ALG8: variants seen among roughly 807,000 people sequenced by gnomAD.
ALG8 encodes dolichyl pyrophosphate Glc1Man9GlcNAc2 alpha-1,3-glucosyltransferase.
ALG8 carries 48 observed loss-of-function variants against 70.2 expected under a neutral mutation model. The observed-to-expected ratio is 0.68, with a 90% confidence interval of 0.54 to 0.87. The LOEUF (loss-of-function observed/expected upper bound fraction) is 0.87, where lower values mean the gene tolerates loss of function less well. Among genes scored for constraint, ALG8 ranks in the 40% least tolerant of loss-of-function variants. The probability of loss-of-function intolerance (pLI) is 0.00; values close to 1 mark genes in which losing one functional copy is unlikely to be tolerated. For missense variants in ALG8, 572 were observed against 608.7 expected (o/e 0.94, Z 0.64); for synonymous variants, 234 against 229.0 (o/e 1.02, Z -0.20).
At chr11:78,114,895 T>C (rs1017385708) in intron 5 of ALG8, 1 of 226,902 alleles carries the variant, frequency 4.4e-6, no homozygotes, top group Non-Finnish European at 8.9e-6. Flanking sequence ...GAATCTGCTT[T>C]AGCCCAGGAG....
chr11:78,101,263 C>G (rs1024611206), intron 12 of ALG8, 68 bp from the exon 13 acceptor site: 29 of 1,291,422 alleles, frequency 2.2e-5, no homozygotes, highest in Middle Eastern at 1.9e-4. Context: ...CATTTCCTAG[C>G]TAAAGCTTCC....
intron 1 of ALG8, among the ~76,000 whole-genome samples, chr11:78,127,706 T>TCTTTC (rs1861138763): frequency 6.8e-6 from 1 of 146,566 alleles, no homozygotes; most frequent in South Asian, 2.1e-4. Context: ...TTTCTCTTTT[T>TCTTTC]CTTTTCTTTT....
intron 7 of ALG8, 101 bp from the exon 8 acceptor site, chr11:78,112,871 A>C (rs1860366525): frequency 6.9e-7 from 1 of 1,444,250 alleles, no homozygotes; most frequent in Middle Eastern, 2.1e-4. Context: ...GTAGAAAGTT[A>C]TGGGGTCTGG....
At chr11:78,128,108 T>C (rs1861155274) in intron 1 of ALG8, among the ~76,000 whole-genome samples, 1 of 152,226 alleles carries the variant, frequency 6.6e-6, no homozygotes, top group African/African-American at 2.4e-5. Context: ...AAAGGCCTCA[T>C]ATACCAAGAC....
At chr11:78,136,524 G>A (rs555777976) in intron 1 of ALG8, among the ~76,000 whole-genome samples, 2 of 152,046 alleles carry the variant, frequency 1.3e-5, no homozygotes, top group East Asian at 1.9e-4. Context: ...GAGATAGAGC[G>A]AGACCCTGCC....
At chr11:78,104,835 G>A (rs919091847) in intron 10 of ALG8, among the ~76,000 whole-genome samples, 5 of 152,008 alleles carry the variant, frequency 3.3e-5, no homozygotes, top group Non-Finnish European at 7.4e-5. Flanking sequence ...ATGGTGGCGG[G>A]TGCTTGTAAT....
intron 4 of ALG8, among the ~76,000 whole-genome samples, chr11:78,119,463 C>G (rs1414121145): frequency 7.1e-6 from 1 of 141,204 alleles, no homozygotes; most frequent in Non-Finnish European, 1.5e-5. Context: ...GAGTCTCACT[C>G]TGTCACCCAG....
Position 78,127,425 on chromosome 11 carries a change from T to C in ALG8, c.107A>G (p.Asp36Gly). ...CLLIPTYHST[D>G]FEVHRNWLAI... Reference sequence around the variant, plus strand: ...AAGCCAGTTTCGGTGTACTTCAAAATCTGTGGAATGGCTACTCAAAACAAT... The same window carrying C: ...AAGCCAGTTTCGGTGTACTTCAAAACCTGTGGAATGGCTACTCAAAACAAT... Residue 36 changes from aspartate to glycine, a missense_variant, in exon 2 of 13, where the codon GAT becomes GGT. By Grantham distance (94) the Asp-to-Gly change is moderately conservative. Transcript: ENST00000299626. The C allele has an allele frequency of 6.2e-7, 1 of 1,613,784 alleles. No homozygotes were observed. Among genetic ancestry groups the C allele is most frequent in the Non-Finnish European group, 8.5e-7 (1 of 1,179,798 alleles).
intron 1 of ALG8, chr11:78,137,483 C>T (rs1293520963): frequency 1.3e-5 from 2 of 152,248 alleles, no homozygotes; most frequent in Non-Finnish European, 2.9e-5. Context: ...GCTTTCAGCC[C>T]GTCTTGGCTT....
In ALG8 at chr11:78,114,390, T is replaced by C. The variant is rs1860462833; in HGVS notation, c.549A>G (p.Lys183=). ...MLLSIARLFQ[K]RHMEGAFLFA... Reference sequence around the variant, plus strand: ...AGAGAAATGCTCCTTCCATATGCCTTTTCTAGGAGATTTAAAAGGGAAATA... The same window carrying C: ...AGAGAAATGCTCCTTCCATATGCCTCTTCTAGGAGATTTAAAAGGGAAATA... The change falls in exon 6 of 13, where the codon AAA becomes AAG. Residue 183 remains lysine, a splice_region_variant and synonymous_variant. Transcript: ENST00000299626. 6 of 1,613,790 alleles carry C rather than the reference T, an allele frequency of 3.7e-6. No homozygotes were observed. The East Asian group carries it at 6.7e-5, about 18-fold the overall frequency.
intron 1 of ALG8, among the ~76,000 whole-genome samples, chr11:78,133,725 C>T (rs897189945): frequency 2.6e-5 from 4 of 151,902 alleles, no homozygotes; most frequent in African/African-American, 9.7e-5. Context: ...ATGGTGAAAC[C>T]CCATCTCTAC....
chr11:78,115,921 T>C (rs1030057648), intron 5 of ALG8, among the ~76,000 whole-genome samples: 2 of 152,192 alleles, frequency 1.3e-5, no homozygotes, highest in Non-Finnish European at 2.9e-5. Context: ...TGAACAAATA[T>C]ATAGGATGCT....
intron 1 of ALG8, among the ~76,000 whole-genome samples, chr11:78,129,651 TC>T (rs1383567355): frequency 6.6e-6 from 1 of 152,236 alleles, no homozygotes; most frequent in Non-Finnish European, 1.5e-5. Flanking sequence ...TGTTCTACTT[TC>T]ACTCATTCTC....
chr11:78,113,775 A>T (rs1860422101), intron 7 of ALG8, 111 bp downstream of exon 7: 5 of 852,560 alleles, frequency 5.9e-6, no homozygotes, highest in Non-Finnish European at 9.2e-6. Flanking sequence ...TTGGGTAAGG[A>T]GTAAGAAAAA....
chr11:78,138,330 C>CAGAGTGGGACG (rs1861634038), intron 1 of ALG8, among the ~76,000 whole-genome samples: 1 of 143,172 alleles, frequency 7.0e-6, no homozygotes, highest in African/African-American at 2.7e-5. Flanking sequence ...GCCTGGGTGA[C>CAGAGTGGGACG]AGAGTGGGAC....
intron 1 of ALG8, among the ~76,000 whole-genome samples, chr11:78,132,986 A>G (rs550089621): frequency 1.3e-5 from 2 of 151,716 alleles, no homozygotes; most frequent in East Asian, 3.9e-4. Flanking sequence ...ACACGCGCCC[A>G]CCACCACACC....
Position 78,120,429 on chromosome 11 carries a change from TCTTTAGAGATA to T in ALG8, c.478+625_478+635del, listed in dbSNP as rs1165543466. On this transcript the variant is annotated intron_variant, in intron 4 of 12. Coordinates refer to ENST00000299626, the MANE Select transcript of ALG8 (RefSeq NM_024079.5). Reference sequence around the variant, plus strand: ...ACCTGTGAGGTATTTAGAATTTTCCTCTTTAGAGATACTTTAGAGATTAAGAAATTAAGCCT... The same window carrying T: ...ACCTGTGAGGTATTTAGAATTTTCCTCTTTAGAGATTAAGAAATTAAGCCT... Among the ~76,000 whole-genome samples, 24 of 152,332 alleles carry T rather than the reference TCTTTAGAGATA, an allele frequency of 1.6e-4. No individual in the cohort carries two copies. The East Asian group carries it at 4.0e-3, about 26-fold the overall frequency.
At position 78,101,142 on chromosome 11, in the gene ALG8, C is replaced by A; in HGVS notation, c.1403G>T (p.Gly468Val). 6.2e-7 allele frequency: 1 copy of A among 1,614,140 alleles called. No homozygotes were observed. The highest frequency in any genetic ancestry group is 8.5e-7 in the Non-Finnish European group (1 of 1,180,030). ...AAATTCACAGCAGACTTCCAGAGGC[C>A]CCAGGCCAAGCAGGTAGAAAGTTTC... ...WMETFYLLGL[G>V]PLEVCCEFVF... The change falls in exon 13 of 13, where the codon GGG becomes GTG. Residue 468 changes from glycine to valine, a missense_variant. Gly to Val is a moderately radical substitution (Grantham distance 109, BLOSUM62 -3). Coordinates refer to ENST00000299626, the MANE Select transcript of ALG8 (RefSeq NM_024079.5).
chr11:78,127,635 A>G (rs144606571), intron 1 of ALG8, among the ~76,000 whole-genome samples, 199 bp from the exon 2 acceptor site: 39 of 152,244 alleles, frequency 2.6e-4, no homozygotes, highest in African/African-American at 9.1e-4. Flanking sequence ...GTTGTTGAGC[A>G]ATCTACAAGT....
Sources: gnomAD v4.1 joint callset for allele counts (sites outside exome capture counted in the v4.1 genomes callset) on GRCh38, gnomAD v4.1.1 for gene constraint, MANE v1.5 for transcripts, NCBI Gene and HGNC (gene_info 2026-07-23, HGNC 2026-07-21) for gene names.